Variants in CNTN4 observed in about 807,000 individuals in gnomAD.
CNTN4 encodes the protein contactin-4.
In CNTN4, 77 loss-of-function variants were observed where a neutral mutation model predicts 122.5. The ratio of observed to expected loss-of-function variants is 0.63; its 90% confidence interval spans 0.52 to 0.76. The LOEUF (loss-of-function observed/expected upper bound fraction) is 0.76, where lower values mean the gene tolerates loss of function less well. Among genes scored for constraint, CNTN4 ranks in the 30% least tolerant of loss-of-function variants. The pLI is 0.00. For synonymous variants in CNTN4, 512 were observed against 447.0 expected, an observed-to-expected ratio of 1.15 and a Z score of -1.83; for missense variants, 1,256 against 1,259.1, an observed-to-expected ratio of 1.00 and a Z score of 0.04.
chr3:2,575,110 T>C (rs1217008083), intron 4 of CNTN4, among the ~76,000 whole-genome samples: 2 of 152,096 alleles, frequency 1.3e-5, no homozygotes, highest in South Asian at 2.1e-4. Flanking sequence ...TTTAAGGTTC[T>C]GGATATCCCA....
chr3:3,041,730 T>G (rs1700181431), intron 20 of CNTN4, among the ~76,000 whole-genome samples: 1 of 152,038 alleles, frequency 6.6e-6, no homozygotes, highest in African/African-American at 2.4e-5. Flanking sequence ...GGGAGGGGGA[T>G]GTGGGAGGAT....
At chr3:2,183,998 G>T (rs13084878) in intron 2 of CNTN4, among the ~76,000 whole-genome samples, 3,228 of 151,908 alleles carry the variant, frequency 0.021, 47 homozygotes, top group Non-Finnish European at 0.026. Flanking sequence ...TTGAGACGTG[G>T]TCTCGCTCTG....
At position 2,633,899 on chromosome 3, in the gene CNTN4, G is replaced by A. The variant is rs73009644; in HGVS notation, c.55+62341G>A. 5.2e-3 allele frequency among the ~76,000 whole-genome samples: 794 copies of A among 152,250 alleles called. 2 individuals are homozygous for A. Among genetic ancestry groups the A allele is most frequent in the Non-Finnish European group, 9.1e-3 (619 of 68,022 alleles). On this transcript the variant is annotated intron_variant, in intron 4 of 24. Coordinates refer to ENST00000418658, the MANE Select transcript of CNTN4 (RefSeq NM_175607.3). ...GAGTAAAGTAGTATAGTGGAAACAC[G>A]CATTTTCTATTTTCTACTTAAAGTT...
chr3:2,760,297 C>T (rs6442753), intron 6 of CNTN4, among the ~76,000 whole-genome samples: 53,569 of 151,984 alleles, frequency 0.35, 10,218 homozygotes, highest in East Asian at 0.52. Context: ...CTAAGAGTTT[C>T]ATGGTCTTAG....
intron 3 of CNTN4, among the ~76,000 whole-genome samples, chr3:2,567,148 A>G (rs2079202891): frequency 6.9e-6 from 1 of 143,914 alleles, no homozygotes; most frequent in African/African-American, 2.6e-5. Context: ...GCAGTGATGC[A>G]CGATCTCGGC....
chr3:2,610,816 G>A (rs988680677), intron 4 of CNTN4, among the ~76,000 whole-genome samples: 2 of 152,034 alleles, frequency 1.3e-5, no homozygotes, highest in East Asian at 1.9e-4. Context: ...CTGAGAATAC[G>A]GTGGCGTTTT....
chr3:2,356,094 G>A (rs865993799), intron 3 of CNTN4, among the ~76,000 whole-genome samples: 18 of 152,228 alleles, frequency 1.2e-4, no homozygotes, highest in Middle Eastern at 6.8e-3. Context: ...ACTTCCTGTT[G>A]CTTACGTCAT....
intron 10 of CNTN4, among the ~76,000 whole-genome samples, chr3:2,900,042 C>G (rs2094156265): frequency 6.6e-6 from 1 of 152,116 alleles, no homozygotes; most frequent in African/African-American, 2.4e-5. Flanking sequence ...TCAAAAATGG[C>G]AGGTGGATGT....
chr3:2,248,767 C>T (rs1208765116), intron 2 of CNTN4, among the ~76,000 whole-genome samples: 1 of 151,852 alleles, frequency 6.6e-6, no homozygotes, highest in African/African-American at 2.4e-5. Flanking sequence ...CCTGTTAAAG[C>T]GACAGAACAA....
At chr3:2,717,960 T>A (rs1489602498) in intron 4 of CNTN4, among the ~76,000 whole-genome samples, 1 of 152,212 alleles carries the variant, frequency 6.6e-6, no homozygotes, top group Non-Finnish European at 1.5e-5. Context: ...TTTATACATC[T>A]CTGTTTGGAG....
intron 2 of CNTN4, among the ~76,000 whole-genome samples, chr3:2,155,084 A>G (rs1229398110): frequency 1.3e-5 from 2 of 152,186 alleles, no homozygotes; most frequent in Non-Finnish European, 2.9e-5. Context: ...TAATTTAACT[A>G]TTTTTCCCCT....
At chr3:2,427,659 A>G (rs2047893122) in intron 3 of CNTN4, among the ~76,000 whole-genome samples, 4 of 150,148 alleles carry the variant, frequency 2.7e-5, no homozygotes, top group Non-Finnish European at 4.4e-5. Context: ...TCTGTCTAAT[A>G]TTGACAGTGG....
chr3:2,844,051 G>A (rs957768801), intron 7 of CNTN4, among the ~76,000 whole-genome samples: 11 of 152,126 alleles, frequency 7.2e-5, no homozygotes, highest in African/African-American at 2.2e-4. Flanking sequence ...TCCATATACT[G>A]TTTCTCAAAG....
intron 6 of CNTN4, among the ~76,000 whole-genome samples, chr3:2,803,967 G>A (rs988630346): frequency 6.6e-6 from 1 of 151,948 alleles, no homozygotes; most frequent in African/African-American, 2.4e-5. Flanking sequence ...AATAGCAAGT[G>A]TTAGAGGAAT....
chr3:2,312,035 A>G (rs1473712783), intron 2 of CNTN4, among the ~76,000 whole-genome samples: 1 of 151,976 alleles, frequency 6.6e-6, no homozygotes, highest in African/African-American at 2.4e-5. Context: ...TTTTTTTGAT[A>G]CGATAAAACT....
intron 2 of CNTN4, among the ~76,000 whole-genome samples, chr3:2,336,715 T>C (rs1381099221): frequency 6.6e-6 from 1 of 152,182 alleles, no homozygotes; most frequent in Non-Finnish European, 1.5e-5. Flanking sequence ...CATGGGGACT[T>C]GACTTAGGAA....
At chr3:2,639,204 C>T (rs2082795160) in intron 4 of CNTN4, among the ~76,000 whole-genome samples, 1 of 152,148 alleles carries the variant, frequency 6.6e-6, no homozygotes, top group Admixed American at 6.5e-5. Context: ...CATGTATAAC[C>T]TGCACTGCAT....
chr3:3,011,759 G>A (rs182384501), intron 14 of CNTN4, among the ~76,000 whole-genome samples: 2 of 152,102 alleles, frequency 1.3e-5, no homozygotes, highest in East Asian at 3.9e-4. Flanking sequence ...GGAGATTCAT[G>A]TGAGCGTCTT....
intron 2 of CNTN4, among the ~76,000 whole-genome samples, chr3:2,186,325 T>C (rs952633558): frequency 2.0e-5 from 3 of 152,196 alleles, no homozygotes; most frequent in Non-Finnish European, 2.9e-5. Context: ...TAATCCAGTC[T>C]ATCATTGATG....
Sources: gnomAD v4.1 joint callset for allele counts (sites outside exome capture counted in the v4.1 genomes callset) on GRCh38, gnomAD v4.1.1 for gene constraint, MANE v1.5 for transcripts, NCBI Gene and HGNC (gene_info 2026-07-23, HGNC 2026-07-21) for gene names.